Variants in GALNTL6 observed in about 807,000 individuals in gnomAD.
GALNTL6 encodes polypeptide N-acetylgalactosaminyltransferase like 6.
GALNTL6 carries 46 observed loss-of-function variants against 73.7 expected under a neutral mutation model. That is an observed-to-expected ratio of 0.62 (90% CI 0.49 to 0.80). GALNTL6 has a LOEUF of 0.80. Among genes scored for constraint, GALNTL6 ranks in the 30% least tolerant of loss-of-function variants. The pLI is 0.00. For synonymous variants in GALNTL6, 259 were observed against 263.7 expected, an observed-to-expected ratio of 0.98 and a Z score of 0.17; for missense variants, 604 against 755.0, an observed-to-expected ratio of 0.80 and a Z score of 2.34.
intron 4 of GALNTL6, among the ~76,000 whole-genome samples, chr4:172,331,540 T>C (rs1318824730): frequency 6.6e-6 from 1 of 152,186 alleles, no homozygotes; most frequent in Non-Finnish European, 1.5e-5. Flanking sequence ...GCTTCCCAGC[T>C]CCTGTCCCTC....
intron 2 of GALNTL6, among the ~76,000 whole-genome samples, chr4:171,985,166 A>G (rs1055491065): frequency 6.6e-6 from 1 of 152,160 alleles, no homozygotes; most frequent in Non-Finnish European, 1.5e-5. Flanking sequence ...TTTTCACACC[A>G]CTGATAAAGA....
intron 5 of GALNTL6, among the ~76,000 whole-genome samples, chr4:172,473,139 C>A (rs569016961): frequency 2.0e-5 from 3 of 152,304 alleles, no homozygotes; most frequent in South Asian, 4.1e-4. Flanking sequence ...ATTTGTCCCA[C>A]AAATAAACTA....
intron 10 of GALNTL6, among the ~76,000 whole-genome samples, chr4:172,997,113 C>A (rs1751830373): frequency 6.6e-6 from 1 of 152,186 alleles, no homozygotes; most frequent in East Asian, 1.9e-4. Flanking sequence ...AGACTCCAAT[C>A]CTATTTTTGA....
intron 5 of GALNTL6, among the ~76,000 whole-genome samples, chr4:172,371,319 T>A (rs1742801963): frequency 6.6e-6 from 1 of 152,228 alleles, no homozygotes. Flanking sequence ...TTAGGAAACT[T>A]CCTGGGTTAA....
At chr4:172,072,026 A>G (rs535807166) in intron 2 of GALNTL6, among the ~76,000 whole-genome samples, 2 of 152,226 alleles carry the variant, frequency 1.3e-5, no homozygotes, top group Non-Finnish European at 2.9e-5. Flanking sequence ...GACTTCTACA[A>G]GTCTGTTTTA....
intron 5 of GALNTL6, among the ~76,000 whole-genome samples, chr4:172,482,062 G>C (rs1172272847): frequency 6.6e-6 from 1 of 152,226 alleles, no homozygotes; most frequent in Non-Finnish European, 1.5e-5. Flanking sequence ...CGCAGCGCAG[G>C]TGGCCCAGCA....
At position 172,744,975 on chromosome 4, in the gene GALNTL6, T is replaced by C. The variant is rs569918926; in HGVS notation, c.554-64386T>C. Among the ~76,000 whole-genome samples, 3 of 152,170 alleles carry C rather than the reference T, an allele frequency of 2.0e-5. No homozygotes were observed. The South Asian group carries it at 6.2e-4, about 32-fold the overall frequency. ...TTCAATATTGTTTCATGTTATTTGA[T>C]TTTAGTATAATAATCAATCATGTTT... On this transcript the variant is annotated intron_variant, in intron 5 of 12. Transcript: ENST00000506823.
intron 11 of GALNTL6, among the ~76,000 whole-genome samples, chr4:173,014,433 T>C (rs1192233080): frequency 6.6e-6 from 1 of 152,192 alleles, no homozygotes; most frequent in East Asian, 1.9e-4. Flanking sequence ...TCTGATGTCA[T>C]GCTGGGGAGC....
chr4:172,947,644 T>C (rs991116780), intron 9 of GALNTL6, among the ~76,000 whole-genome samples: 1 of 151,962 alleles, frequency 6.6e-6, no homozygotes, highest in Non-Finnish European at 1.5e-5. Context: ...CAGAGAAAGA[T>C]AGGACTACTC....
chr4:172,288,957 G>T (rs1739365528), intron 3 of GALNTL6, among the ~76,000 whole-genome samples: 1 of 152,034 alleles, frequency 6.6e-6, no homozygotes, highest in Non-Finnish European at 1.5e-5. Context: ...CCACCTGAGA[G>T]GAATATAGCT....
At chr4:171,849,298 G>A (rs1251379874) in intron 2 of GALNTL6, among the ~76,000 whole-genome samples, 1 of 152,186 alleles carries the variant, frequency 6.6e-6, no homozygotes, top group African/African-American at 2.4e-5. Flanking sequence ...GGGAAACTCA[G>A]GTTGTTGCAG....
intron 2 of GALNTL6, among the ~76,000 whole-genome samples, chr4:172,172,685 A>G (rs953318821): frequency 2.0e-5 from 3 of 152,130 alleles, no homozygotes; most frequent in Non-Finnish European, 4.4e-5. Context: ...AAATTATAGT[A>G]CTTTCTTACA....
At chr4:172,040,567 A>T (rs937653798) in intron 2 of GALNTL6, among the ~76,000 whole-genome samples, 8 of 152,138 alleles carry the variant, frequency 5.3e-5, no homozygotes, top group Admixed American at 5.2e-4. Flanking sequence ...ATTAATGATG[A>T]CTAATAATTA....
chr4:172,491,857 T>A (rs1013937527), intron 5 of GALNTL6, among the ~76,000 whole-genome samples: 1 of 152,190 alleles, frequency 6.6e-6, no homozygotes, highest in Non-Finnish European at 1.5e-5. Flanking sequence ...GCATTGGTGT[T>A]CCTCAAAAGA....
chr4:172,283,925 A>G (rs1008949190), intron 3 of GALNTL6, among the ~76,000 whole-genome samples: 1 of 152,130 alleles, frequency 6.6e-6, no homozygotes, highest in African/African-American at 2.4e-5. Flanking sequence ...GAAAATACTG[A>G]TTTTCAGATC....
At chr4:172,830,093 G>A (rs917854020) in intron 7 of GALNTL6, among the ~76,000 whole-genome samples, 1 of 151,978 alleles carries the variant, frequency 6.6e-6, no homozygotes, top group South Asian at 2.1e-4. Context: ...ACATAATATA[G>A]TGAATTTAAA....
chr4:172,263,980 A>G (rs1399576406), intron 3 of GALNTL6, among the ~76,000 whole-genome samples: 1 of 151,556 alleles, frequency 6.6e-6, no homozygotes, highest in Non-Finnish European at 1.5e-5. Flanking sequence ...CTCCAGATGT[A>G]TCTTAGCTTT....
chr4:172,357,973 T>G (rs1742227426), intron 5 of GALNTL6, among the ~76,000 whole-genome samples: 1 of 152,158 alleles, frequency 6.6e-6, no homozygotes, highest in Admixed American at 6.6e-5. Flanking sequence ...GTCCATGTTT[T>G]CGTCTGGTTT....
chr4:171,902,745 A>C (rs983695673), intron 2 of GALNTL6, among the ~76,000 whole-genome samples: 1 of 152,174 alleles, frequency 6.6e-6, no homozygotes, highest in African/African-American at 2.4e-5. Flanking sequence ...ACTAACATTG[A>C]AAAAGGAAAG....
Sources: gnomAD v4.1 joint callset for allele counts (sites outside exome capture counted in the v4.1 genomes callset) on GRCh38, gnomAD v4.1.1 for gene constraint, MANE v1.5 for transcripts, NCBI Gene and HGNC (gene_info 2026-07-23, HGNC 2026-07-21) for gene names.